NWD1: variants seen among roughly 807,000 people sequenced by gnomAD.
NWD1 encodes the protein NACHT domain- and WD repeat-containing protein 1.
NWD1 carries 129 observed loss-of-function variants against 135.1 expected under a neutral mutation model. The observed-to-expected ratio is 0.96, with a 90% CI of 0.83 to 1.11. The LOEUF is 1.11. Ranked by LOEUF, NWD1 falls within the 50% of genes least tolerant of loss-of-function variation. NWD1 has a pLI of 0.00. For synonymous variants in NWD1, 773 were observed against 786.0 expected (o/e 0.98, Z 0.28); for missense variants, 1,740 against 1,851.3 (o/e 0.94, Z 1.10).
At position 16,815,575 on chromosome 19, in the gene NWD1, ATAG is replaced by A. The variant is rs1971046033; in HGVS notation, c.*537_*539del. ...CAATATGCTGCTGTCTCCAATTTCA[ATAG>A]AAAAGAGAGCTTCTCTTTCCCAACA... On this transcript the variant is annotated 3_prime_UTR_variant, in exon 19 of 19. Coordinates refer to ENST00000524140, the MANE Select transcript of NWD1 (RefSeq NM_001007525.5). 1 of 459,670 alleles carries A rather than the reference ATAG, an allele frequency of 2.2e-6. No individual in the cohort carries two copies. Among genetic ancestry groups the A allele is most frequent in the South Asian group, 2.6e-5 (1 of 38,332 alleles). The allele number at this position is 459,670 out of a possible 1,614,324, so 28.5% of individuals were successfully genotyped here. A position where few individuals can be genotyped will look rare whatever the true frequency, so the allele number is the denominator to read the frequency against.
At chr19:16,787,904 AATCATCATC>A (rs149004219) in intron 12 of NWD1, among the ~76,000 whole-genome samples, 7,951 of 120,684 alleles carry the variant, frequency 0.066, 356 homozygotes, top group African/African-American at 0.11. Context: ...TAATAATAAT[AATCATCATC>A]ATCATCATCA....
At chr19:16,747,539 G>C (rs1348904147) in intron 5 of NWD1, among the ~76,000 whole-genome samples, 4 of 150,634 alleles carry the variant, frequency 2.7e-5, no homozygotes, top group Non-Finnish European at 5.9e-5. Flanking sequence ...ATCACAGGTG[G>C]CTAACTTATT....
At chr19:16,738,209 T>C in intron 4 of NWD1, 1 of 454,692 alleles carries the variant, frequency 2.2e-6, no homozygotes, top group Non-Finnish European at 4.4e-6. Flanking sequence ...AAGTATTGAC[T>C]GTCTGACTTT....
intron 15 of NWD1, among the ~76,000 whole-genome samples, chr19:16,797,370 G>C (rs1301326340): frequency 7.9e-6 from 1 of 126,966 alleles, no homozygotes; most frequent in East Asian, 2.3e-4. Flanking sequence ...TGGCTCTGTT[G>C]CCCAGGCTGG....
At chr19:16,797,538 G>A (rs779104852) in intron 15 of NWD1, among the ~76,000 whole-genome samples, 194 bp from the exon 16 acceptor site, 2 of 151,800 alleles carry the variant, frequency 1.3e-5, no homozygotes, top group East Asian at 1.9e-4. Flanking sequence ...ATGAAACATC[G>A]GGGTTCACCA....
At chr19:16,808,727 C>A (rs1294504525) in intron 18 of NWD1, among the ~76,000 whole-genome samples, 1 of 151,930 alleles carries the variant, frequency 6.6e-6, no homozygotes, top group African/African-American at 2.4e-5. Context: ...CCCGCCTCAG[C>A]CTCCCAAAGC....
rs1322523887 is a variant in NWD1 at position 16,749,892 on chromosome 19, T to C, written c.1250T>C (p.Phe417Ser). The C allele has an allele frequency of 1.9e-6, 3 of 1,613,518 alleles. No individual in the cohort carries two copies. The highest frequency in any genetic ancestry group is 2.5e-6 in the Non-Finnish European group (3 of 1,180,032). Residue 417 changes from phenylalanine (F) to serine (S), a missense_variant, in exon 6 of 19, where the codon TTC (phenylalanine) becomes TCC (serine). Phe to Ser is a radical substitution (Grantham distance 155, BLOSUM62 -2). Coordinates refer to ENST00000524140, the MANE Select transcript of NWD1 (RefSeq NM_001007525.5). ...GCCCACACCAGGGTGGTCCAGTTTTTCCATACCCTCCTCCACACTGTCTCT... is the reference window on the plus strand; with the variant it reads ...GCCCACACCAGGGTGGTCCAGTTTTCCCATACCCTCCTCCACACTGTCTCT... ...LDAHTRVVQF[F>S]HTLLHTVSCR...
chr19:16,810,332 G>C (rs2608741), intron 18 of NWD1, among the ~76,000 whole-genome samples: 2,541 of 151,820 alleles, frequency 0.017, 71 homozygotes, highest in African/African-American at 0.057. Flanking sequence ...CGGCTACCCG[G>C]GAGGCCGAGG....
At chr19:16,775,911 C>T (rs991080056) in intron 11 of NWD1, among the ~76,000 whole-genome samples, 2 of 152,120 alleles carry the variant, frequency 1.3e-5, no homozygotes, top group African/African-American at 2.4e-5. Flanking sequence ...CAGGTGATCG[C>T]CTACCTTGGC....
chr19:16,808,510 A>T (rs1006681630), intron 18 of NWD1, among the ~76,000 whole-genome samples: 1 of 151,982 alleles, frequency 6.6e-6, no homozygotes, highest in Admixed American at 6.6e-5. Flanking sequence ...AGATCACGCC[A>T]CTGCACTCCA....
intron 17 of NWD1, among the ~76,000 whole-genome samples, chr19:16,807,332 A>G (rs1018976481): frequency 7.9e-5 from 12 of 151,896 alleles, no homozygotes; most frequent in Non-Finnish European, 1.6e-4. Context: ...CACCTTTACT[A>G]AAAATACAAA....
intron 12 of NWD1, among the ~76,000 whole-genome samples, chr19:16,786,894 G>A (rs2547107): frequency 0.11 from 17,332 of 151,982 alleles, 1,799 homozygotes; most frequent in African/African-American, 0.28. Context: ...TCCCCAGAGC[G>A]CCATCCTCAT....
At position 16,807,663 on chromosome 19, in the gene NWD1, A is replaced by G. The variant is rs749650303; in HGVS notation, c.3814A>G (p.Thr1272Ala). ...EVAEQRKLLF[T>A]GLVSGVVLVF... ...TGCTGAGCAGCGCAAGCTCCTATTT[A>G]CGGGCCTCGTGTCGGGGGTCGTCCT... is the stretch of plus-strand genomic sequence containing the variant. Residue 1272 changes from threonine (T) to alanine (A), a missense_variant, in exon 18 of 19, where the codon ACG becomes GCG. Physicochemically the swap from Thr to Ala is moderately conservative, Grantham distance 58. Transcript: ENST00000524140. 6.2e-7 allele frequency: 1 copy of G among 1,604,110 alleles called. No individual in the cohort carries two copies. The highest frequency in any genetic ancestry group is 8.5e-7 in the Non-Finnish European group (1 of 1,175,154).
chr19:16,757,075 A>C (rs1295648301), intron 6 of NWD1, among the ~76,000 whole-genome samples: 1 of 152,120 alleles, frequency 6.6e-6, no homozygotes, highest in Non-Finnish European at 1.5e-5. Flanking sequence ...GAGTTGTAGA[A>C]TTATTTCGTT....
At chr19:16,724,832 A>G (rs1296132203) in intron 2 of NWD1, among the ~76,000 whole-genome samples, 2 of 151,732 alleles carry the variant, frequency 1.3e-5, no homozygotes, top group Non-Finnish European at 2.9e-5. Flanking sequence ...AGCTGGGACT[A>G]CAGGCATGTG....
Position 16,766,415 on chromosome 19 carries a change from CA to C in NWD1, c.2410+1232del, listed in dbSNP as rs971440723. On this transcript the variant is annotated intron_variant, in intron 10 of 18. Coordinates refer to ENST00000524140, the MANE Select transcript of NWD1 (RefSeq NM_001007525.5). ...AGACCCTGTCTCAAAACGAACAAAC[CA>C]AAAAAAAACTTATTTCTAGCTCCCA... Among the ~76,000 whole-genome samples, 5 of 150,662 alleles carry C rather than the reference CA, an allele frequency of 3.3e-5. No individual in the cohort carries two copies. In the East Asian group the frequency reaches 5.8e-4, roughly 18 times the overall value.
intron 12 of NWD1, among the ~76,000 whole-genome samples, chr19:16,783,041 C>CTT (rs111618636): frequency 2.5e-5 from 3 of 119,394 alleles, no homozygotes; most frequent in Admixed American, 9.5e-5. Flanking sequence ...TTCTTTCTTT[C>CTT]TTTTTTTTTT....
intron 17 of NWD1, among the ~76,000 whole-genome samples, chr19:16,802,153 G>A (rs906769803): frequency 1.3e-5 from 2 of 151,654 alleles, no homozygotes; most frequent in African/African-American, 4.8e-5. Context: ...ACGTGGTGGC[G>A]GGCACCTGTA....
chr19:16,803,190 C>T (rs1175141864), intron 17 of NWD1, among the ~76,000 whole-genome samples: 3 of 152,122 alleles, frequency 2.0e-5, no homozygotes, highest in Non-Finnish European at 4.4e-5. Flanking sequence ...GGGGAGACTG[C>T]CTCCATGATT....
Sources: gnomAD v4.1 joint callset for allele counts (sites outside exome capture counted in the v4.1 genomes callset) on GRCh38, gnomAD v4.1.1 for gene constraint, MANE v1.5 for transcripts, NCBI Gene and HGNC (gene_info 2026-07-23, HGNC 2026-07-21) for gene names.